The following GGTA1 variants were observed in gnomAD, a reference collection of about 807,000 sequenced individuals.
GGTA1 encodes the protein inactive N-acetyllactosaminide alpha-1,3-galactosyltransferase.
In GGTA1, 5 loss-of-function variants were observed where a neutral mutation model predicts 2.6. The ratio of observed to expected loss-of-function variants is 1.92; its 90% confidence interval spans 1.00 to 4.04. GGTA1 has a LOEUF of 4.04. Among genes scored for constraint, GGTA1 ranks in the 30% most tolerant of loss-of-function variants. The probability of loss-of-function intolerance (pLI) is 0.00; values close to 1 mark genes in which losing one functional copy is unlikely to be tolerated. For missense variants in GGTA1, 50 were observed against 16.7 expected, an observed-to-expected ratio of 2.99 and a Z score of -3.47; for synonymous variants, 17 against 5.0, an observed-to-expected ratio of 3.38 and a Z score of -3.19.
chr9:121,462,563 C>T (rs1204339210), intron 3 of GGTA1: 1 of 152,092 alleles, frequency 6.6e-6, no homozygotes, highest in Non-Finnish European at 1.5e-5. Flanking sequence ...CAAGAGAGAA[C>T]AGAAAGAGAT....
At chr9:121,494,177 C>T (rs1024109814) in intron 1 of GGTA1, among the ~76,000 whole-genome samples, 9 of 152,158 alleles carry the variant, frequency 5.9e-5, no homozygotes, top group Non-Finnish European at 1.3e-4. Context: ...GAGAGGAACC[C>T]CAGGAAGCAC....
intron 1 of GGTA1, among the ~76,000 whole-genome samples, chr9:121,478,644 C>T (rs960373995): frequency 6.6e-6 from 1 of 152,140 alleles, no homozygotes; most frequent in Non-Finnish European, 1.5e-5. Flanking sequence ...TTTTGTTTTT[C>T]ATTATAAGGG....
chr9:121,473,470 A>G (rs544389672), intron 1 of GGTA1, among the ~76,000 whole-genome samples: 32 of 152,262 alleles, frequency 2.1e-4, no homozygotes, highest in Non-Finnish European at 4.4e-4. Flanking sequence ...AGGGTGGCCA[A>G]TGGGTCTTTT....
rs184618838 is a variant in GGTA1, at chr9:121,476,629, G to A, written c.-9-8698C>T. Among the ~76,000 whole-genome samples, 4 of 152,290 alleles carry A rather than the reference G, an allele frequency of 2.6e-5. No homozygotes were observed. Among genetic ancestry groups the A allele is most frequent in the African/African-American group, 7.2e-5 (3 of 41,556 alleles). ...GGGCCCCTTGGTGTGATGATCAAAT[G>A]ATAGGATTCATCAACTATCACTTCT... is the stretch of plus-strand genomic sequence containing the variant. On this transcript the variant is annotated intron_variant, in intron 1 of 5. Coordinates refer to ENST00000481799, the MANE Select transcript of GGTA1 (RefSeq NM_001382585.1). This position sits in a 1 kb window ranked among gnomAD's most constrained non-coding sequence, Gnocchi z 4.6.
intron 5 of GGTA1, 86 bp from the exon 6 acceptor site, chr9:121,455,927 C>A: frequency 2.3e-6 from 1 of 434,914 alleles, no homozygotes; most frequent in Non-Finnish European, 4.6e-6. Flanking sequence ...TATTTGATTC[C>A]ACTGACAATT....
downstream of GGTA1, among the ~76,000 whole-genome samples, chr9:121,454,421 C>T (rs1392008705): frequency 3.3e-5 from 5 of 152,212 alleles, no homozygotes; most frequent in East Asian, 9.6e-4. Context: ...ACACACTGAG[C>T]AATTCCTTTG....
At chr9:121,495,789 T>C (rs1190498191) in intron 1 of GGTA1, among the ~76,000 whole-genome samples, 1 of 152,230 alleles carries the variant, frequency 6.6e-6, no homozygotes, top group Non-Finnish European at 1.5e-5. Flanking sequence ...CTCTCTCAGC[T>C]AGTGGCACCA....
At chr9:121,481,682 A>C (rs111787080) in intron 1 of GGTA1, among the ~76,000 whole-genome samples, 1 of 1,796 alleles carries the variant, frequency 5.6e-4, no homozygotes, top group Non-Finnish European at 3.4e-3. Flanking sequence ...CTCTGTCTCA[A>C]AAAAAAAAAA....
chr9:121,473,319 CAA>C lies in GGTA1; in HGVS notation c.-9-5390_-9-5389del, dbSNP rs10712323. On this transcript the variant is annotated intron_variant, in intron 1 of 5. Coordinates refer to ENST00000481799, the MANE Select transcript of GGTA1 (RefSeq NM_001382585.1). ...TAGGTGACAGAGCAAGACTCCATCTCAAAAAAAAAAAAAAAAAAAGACTTAGA... is the reference window on the plus strand; with the variant it reads ...TAGGTGACAGAGCAAGACTCCATCTCAAAAAAAAAAAAAAAAAGACTTAGA... Among the ~76,000 whole-genome samples, 488 of 96,352 alleles carry C rather than the reference CAA, an allele frequency of 5.1e-3. 3 individuals are homozygous for C. Among genetic ancestry groups the C allele is most frequent in the Admixed American group, 9.3e-3 (79 of 8,490 alleles). The allele number at this position is 96,352 out of a possible 152,430, so 63.2% of individuals were successfully genotyped here. A position where few individuals can be genotyped will look rare whatever the true frequency, so the allele number is the denominator to read the frequency against.
intron 1 of GGTA1, chr9:121,478,970 A>T: frequency 2.3e-6 from 1 of 439,022 alleles, no homozygotes; most frequent in South Asian, 1.6e-5. Flanking sequence ...CTGCTCCTGC[A>T]TTAACAACTT....
In GGTA1 at chr9:121,486,664, T is replaced by C. The variant is rs148994759; in HGVS notation, c.-10+12986A>G. 8.2e-3 allele frequency among the ~76,000 whole-genome samples: 1,256 copies of C among 152,320 alleles called. 22 individuals are homozygous for C. The highest frequency in any genetic ancestry group is 0.028 in the African/African-American group (1,174 of 41,570). ...TCAGTCCCAAGTCTCTCCCATACCA[T>C]GTGGCCCTACAAATGTCTTAATCTT... On this transcript the variant is annotated intron_variant, in intron 1 of 5. Coordinates refer to ENST00000481799, the MANE Select transcript of GGTA1 (RefSeq NM_001382585.1).
intron 1 of GGTA1, among the ~76,000 whole-genome samples, chr9:121,474,668 T>C (rs1030903810): frequency 1.3e-5 from 2 of 152,128 alleles, no homozygotes; most frequent in Non-Finnish European, 2.9e-5. Flanking sequence ...AGAATTCCAC[T>C]CTGAAAGGAA....
At chr9:121,472,097 A>G (rs73661735) in intron 1 of GGTA1, among the ~76,000 whole-genome samples, 289 of 152,288 alleles carry the variant, frequency 1.9e-3, no homozygotes, top group African/African-American at 6.6e-3. Flanking sequence ...TTTGTAATTC[A>G]ATTGGCATCA....
intron 2 of GGTA1, among the ~76,000 whole-genome samples, chr9:121,464,158 T>C (rs1271703774): frequency 6.6e-6 from 1 of 152,160 alleles, no homozygotes; most frequent in Non-Finnish European, 1.5e-5. Flanking sequence ...CTTTTAAACA[T>C]GTATTCATGC....
chr9:121,481,008 C>T (rs2900188), intron 1 of GGTA1, among the ~76,000 whole-genome samples: 79,198 of 151,482 alleles, frequency 0.52, 21,173 homozygotes, highest in South Asian at 0.66. Context: ...AGAAAATTAG[C>T]CAGGTGTGGT....
At chr9:121,448,620 AT>A (rs544750103) in intron 7 of GGTA1, among the ~76,000 whole-genome samples, 5 of 152,374 alleles carry the variant, frequency 3.3e-5, no homozygotes, top group Admixed American at 6.5e-5. Context: ...AGATAAAAAA[AT>A]TAAAAGAAAT....
chr9:121,487,484 G>T lies in GGTA1; in HGVS notation c.-10+12166C>A, dbSNP rs528838617. 4.7e-5 allele frequency among the ~76,000 whole-genome samples: 7 copies of T among 149,766 alleles called. No individual in the cohort carries two copies. The South Asian group carries it at 1.5e-3, about 32-fold the overall frequency. ...CCAGCTACTCAGGAGGCTGAGTCAG[G>T]AGAATCGTTTGAACCCGGGAGGCAG... is the stretch of plus-strand genomic sequence containing the variant. On this transcript the variant is annotated intron_variant, in intron 1 of 5. Transcript: ENST00000481799.
chr9:121,461,786 A>C (rs2064962367), intron 3 of GGTA1, among the ~76,000 whole-genome samples: 1 of 152,240 alleles, frequency 6.6e-6, no homozygotes, highest in Admixed American at 6.5e-5. Context: ...ATGAGTTGAA[A>C]ATGACTGTAA....
intron 5 of GGTA1, among the ~76,000 whole-genome samples, chr9:121,459,368 C>A (rs370225670): frequency 3.5e-4 from 54 of 152,206 alleles, no homozygotes; most frequent in African/African-American, 1.3e-3. Flanking sequence ...CCTGGGAGGT[C>A]AAGGCTGCAG....
Sources: allele counts gnomAD v4.1 joint callset (sites outside exome capture counted in the v4.1 genomes callset), GRCh38; gene constraint gnomAD v4.1.1; non-coding constraint Gnocchi (gnomAD v3.1); transcripts MANE v1.5; gene names NCBI Gene and HGNC (gene_info 2026-07-23, HGNC 2026-07-21).